Variants in ITGA1 observed in about 807,000 individuals in gnomAD.
ITGA1 encodes integrin alpha-1.
A neutral mutation model predicts 145.9 loss-of-function variants in ITGA1; 85 were observed. The ratio of observed to expected loss-of-function variants is 0.58; its 90% CI spans 0.49 to 0.70. The LOEUF is 0.70. ITGA1 is among the 30% of genes least tolerant of loss of function. The pLI is 0.00. For synonymous variants in ITGA1, 520 were observed against 495.3 expected (o/e 1.05, Z -0.66); for missense variants, 1,351 against 1,418.7 (o/e 0.95, Z 0.77).
intron 1 of ITGA1, chr5:52,801,798 A>G (rs565823997): frequency 6.2e-7 from 1 of 1,613,396 alleles, no homozygotes; most frequent in Non-Finnish European, 8.5e-7. Context: ...CTGTTCCCGA[A>G]CTTTCTGACC....
At chr5:52,870,706 G>T (rs571280211) in intron 6 of ITGA1, among the ~76,000 whole-genome samples, 1 of 152,302 alleles carries the variant, frequency 6.6e-6, no homozygotes, top group African/African-American at 2.4e-5. Flanking sequence ...GTTTTCCCAG[G>T]ATTGGCATGG....
intron 13 of ITGA1, 145 bp from the exon 14 acceptor site, chr5:52,910,013 CAGAT>C (rs975266083): frequency 8.6e-6 from 6 of 701,322 alleles, no homozygotes; most frequent in Non-Finnish European, 1.4e-5. Context: ...ACTTTACTCT[CAGAT>C]AGGCACACTT....
At chr5:52,882,043 C>G in intron 7 of ITGA1, 22 bp downstream of exon 7, 2 of 1,531,966 alleles carry the variant, frequency 1.3e-6, no homozygotes, top group Non-Finnish European at 1.8e-6. Context: ...AAAAAATAAA[C>G]TAAAGTAAAA....
chr5:52,891,555 TAAA>T (rs56185635), intron 8 of ITGA1, among the ~76,000 whole-genome samples: 66,477 of 118,852 alleles, frequency 0.56, 15,901 homozygotes, highest in Middle Eastern at 0.72. Context: ...TCATGAACAC[TAAA>T]AAAAAAAAAA....
chr5:52,889,304 G>C (rs1019172821), intron 8 of ITGA1, among the ~76,000 whole-genome samples: 3 of 152,234 alleles, frequency 2.0e-5, no homozygotes, highest in African/African-American at 7.2e-5. Context: ...GTTTCACCAT[G>C]TTGGTCGGGC....
intron 9 of ITGA1, 25 bp from the exon 10 acceptor site, chr5:52,897,430 A>T (rs774554961): frequency 4.6e-6 from 7 of 1,511,548 alleles, no homozygotes; most frequent in Non-Finnish European, 5.5e-6. Context: ...TTACTTATTT[A>T]CAGTGATATT....
At chr5:52,915,651 A>G in intron 15 of ITGA1, 57 bp downstream of exon 15, 1 of 1,594,982 alleles carries the variant, frequency 6.3e-7, no homozygotes, top group Admixed American at 1.7e-5. Flanking sequence ...CAGAGCTCCC[A>G]GTGTGATTGG....
At position 52,952,489 on chromosome 5, in the gene ITGA1, AATCT is replaced by A. The variant is rs1751237930; in HGVS notation, c.*42_*45del. ...AAGAAAATAATAACAATTATTCAAT[AATCT>A]ATCCTCAGGTTTGCCTCAAATATGT... On this transcript the variant is annotated 3_prime_UTR_variant, in exon 29 of 29. Coordinates refer to ENST00000282588, the MANE Select transcript of ITGA1 (RefSeq NM_181501.2). The A allele has an allele frequency of 1.0e-6, 1 of 988,918 alleles. No homozygotes were observed. The allele number at this position is 988,918 out of a possible 1,614,324, so 61.3% of individuals were successfully genotyped here.
At chr5:52,909,094 A>C in intron 13 of ITGA1, 53 bp downstream of exon 13, 1 of 1,544,154 alleles carries the variant, frequency 6.5e-7, no homozygotes, top group South Asian at 1.2e-5. Flanking sequence ...CCTTCTCTTC[A>C]TTTTTTAATA....
intron 26 of ITGA1, among the ~76,000 whole-genome samples, chr5:52,940,206 A>G (rs1321320910): frequency 6.6e-6 from 1 of 152,128 alleles, no homozygotes; most frequent in Non-Finnish European, 1.5e-5. Flanking sequence ...TTTGTACTTT[A>G]AGAGATAAAT....
At chr5:52,891,707 T>C (rs1750154183) in intron 8 of ITGA1, among the ~76,000 whole-genome samples, 1 of 151,778 alleles carries the variant, frequency 6.6e-6, no homozygotes, top group Non-Finnish European at 1.5e-5. Flanking sequence ...ACACCTAGTG[T>C]CCTAATATAC....
chr5:52,918,367 T>C (rs2938789), intron 15 of ITGA1, among the ~76,000 whole-genome samples: 123,863 of 152,048 alleles, frequency 0.81, 50,761 homozygotes, highest in African/African-American at 0.88. Context: ...ATAGCAGGGG[T>C]CTACGGGCTG....
At chr5:52,872,748 T>C (rs1254502110) in intron 6 of ITGA1, among the ~76,000 whole-genome samples, 3 of 152,058 alleles carry the variant, frequency 2.0e-5, no homozygotes, top group African/African-American at 7.2e-5. Flanking sequence ...GCTGTGCTCT[T>C]GTTACTTGCT....
At chr5:52,872,246 A>G (rs1412380466) in intron 6 of ITGA1, among the ~76,000 whole-genome samples, 1 of 152,082 alleles carries the variant, frequency 6.6e-6, no homozygotes, top group East Asian at 1.9e-4. Context: ...CATTGTTTGT[A>G]GGTCTGAAAA....
At chr5:52,831,268 G>T (rs1749065498) in intron 1 of ITGA1, among the ~76,000 whole-genome samples, 1 of 152,026 alleles carries the variant, frequency 6.6e-6, no homozygotes, top group African/African-American at 2.4e-5. Context: ...GAGTAGCTGG[G>T]ATTACAGACG....
Position 52,908,899 on chromosome 5 carries a change from T to C in ITGA1, c.1457T>C (p.Ile486Thr), listed in dbSNP as rs1750452749. 1.2e-6 allele frequency: 2 copies of C among 1,613,676 alleles called. No homozygotes were observed. The highest frequency in any genetic ancestry group is 1.7e-6 in the Non-Finnish European group (2 of 1,179,720). ...GTTTTGTTTCATTTTGTGTCCTAGATTGGTTCCTACTTTGGCAGTATTTTA... is the reference window on the plus strand; with the variant it reads ...GTTTTGTTTCATTTTGTGTCCTAGACTGGTTCCTACTTTGGCAGTATTTTA... ...KILQTLSGEQ[I>T]GSYFGSILTT... The change falls in exon 13 of 29, where the codon ATT becomes ACT. Residue 486 changes from isoleucine to threonine, a missense_variant and splice_region_variant. Physicochemically the swap from Ile to Thr is moderately conservative, Grantham distance 89. Coordinates refer to ENST00000282588, the MANE Select transcript of ITGA1 (RefSeq NM_181501.2).
chr5:52,917,655 T>C (rs1200284710), intron 15 of ITGA1, among the ~76,000 whole-genome samples: 1 of 152,172 alleles, frequency 6.6e-6, no homozygotes, highest in Non-Finnish European at 1.5e-5. Context: ...GTTTTAAAAA[T>C]TTGTAGGCAT....
At chr5:52,908,523 A>C (rs575759006) in intron 12 of ITGA1, among the ~76,000 whole-genome samples, 1 of 152,230 alleles carries the variant, frequency 6.6e-6, no homozygotes, top group Non-Finnish European at 1.5e-5. Context: ...TTAAACATAT[A>C]TTCAGCCATT....
At chr5:52,920,225 A>T in intron 16 of ITGA1, 107 bp from the exon 17 acceptor site, 1 of 825,798 alleles carries the variant, frequency 1.2e-6, no homozygotes, top group Non-Finnish European at 1.8e-6. Context: ...ATCTTTTTTG[A>T]TTGATTGCCA....
Sources: allele counts gnomAD v4.1 joint callset (sites outside exome capture counted in the v4.1 genomes callset), GRCh38; gene constraint gnomAD v4.1.1; transcripts MANE v1.5; gene names NCBI Gene and HGNC (gene_info 2026-07-23, HGNC 2026-07-21).